The following PLXDC2 variants were observed in gnomAD, a reference collection of about 807,000 sequenced individuals.
PLXDC2 encodes plexin domain-containing protein 2.
PLXDC2 carries 40 observed loss-of-function variants against 68.9 expected under a neutral mutation model. The ratio of observed to expected loss-of-function variants is 0.58; its 90% CI spans 0.45 to 0.76. The LOEUF (loss-of-function observed/expected upper bound fraction) is 0.76, where lower values mean the gene tolerates loss of function less well. PLXDC2 is among the 30% of genes least tolerant of loss of function. PLXDC2 has a pLI of 0.00. For synonymous variants in PLXDC2, 243 were observed against 234.2 expected (o/e 1.04, Z -0.34); for missense variants, 644 against 661.9 (o/e 0.97, Z 0.30).
At chr10:20,245,729 A>G (rs1239323676) in intron 13 of PLXDC2, among the ~76,000 whole-genome samples, 5 of 152,230 alleles carry the variant, frequency 3.3e-5, no homozygotes, top group Admixed American at 6.5e-5. Flanking sequence ...TTTTAAAGAC[A>G]TAAACTATCT....
intron 1 of PLXDC2, among the ~76,000 whole-genome samples, chr10:19,979,763 G>A (rs1336380784): frequency 6.6e-6 from 1 of 152,112 alleles, no homozygotes; most frequent in Admixed American, 6.5e-5. Flanking sequence ...TGACCAGTTT[G>A]CCTTACTATG....
chr10:20,221,731 T>A (rs1835214647), intron 12 of PLXDC2, among the ~76,000 whole-genome samples: 1 of 152,194 alleles, frequency 6.6e-6, no homozygotes. Context: ...AGAATTGTCC[T>A]TTCACTCCAA....
intron 1 of PLXDC2, among the ~76,000 whole-genome samples, chr10:19,962,921 C>T (rs1269669352): frequency 1.4e-5 from 2 of 140,624 alleles, no homozygotes; most frequent in Non-Finnish European, 3.0e-5. Context: ...ACCTGGGAGG[C>T]AGAGCTTGCA....
chr10:19,819,544 A>G (rs1018760321), intron 1 of PLXDC2, among the ~76,000 whole-genome samples: 1 of 152,232 alleles, frequency 6.6e-6, no homozygotes, highest in African/African-American at 2.4e-5. Flanking sequence ...TATTACAGAC[A>G]TGTTGGCACA....
At chr10:20,238,690 T>TAC (rs1835471628) in intron 12 of PLXDC2, among the ~76,000 whole-genome samples, 2 of 130,354 alleles carry the variant, frequency 1.5e-5, no homozygotes. Context: ...TATATATATA[T>TAC]ATACACACAT....
intron 1 of PLXDC2, among the ~76,000 whole-genome samples, chr10:19,942,957 T>C (rs1216016592): frequency 1.3e-5 from 2 of 152,334 alleles, no homozygotes; most frequent in Non-Finnish European, 2.9e-5. Context: ...AGATGTATAT[T>C]ATGAATAATT....
intron 4 of PLXDC2, among the ~76,000 whole-genome samples, chr10:20,106,843 TATATACC>T (rs773844486): frequency 6.6e-6 from 1 of 152,004 alleles, no homozygotes; most frequent in African/African-American, 2.4e-5. Context: ...TGCTTTTTAC[TATATACC>T]ATATACCATA....
At chr10:20,134,591 A>G (rs1833909524) in intron 4 of PLXDC2, among the ~76,000 whole-genome samples, 1 of 152,154 alleles carries the variant, frequency 6.6e-6, no homozygotes, top group African/African-American at 2.4e-5. Flanking sequence ...TCTGCATGAC[A>G]GGCATGGATC....
At chr10:20,030,165 C>A (rs559039641) in intron 2 of PLXDC2, among the ~76,000 whole-genome samples, 2 of 151,402 alleles carry the variant, frequency 1.3e-5, no homozygotes, top group African/African-American at 4.8e-5. Context: ...TATAGTTACA[C>A]GTAGCCAGAC....
chr10:20,038,442 TA>T (rs974996327), intron 2 of PLXDC2, among the ~76,000 whole-genome samples: 2 of 152,076 alleles, frequency 1.3e-5, no homozygotes, highest in African/African-American at 4.8e-5. Context: ...TAATCTGATA[TA>T]ACCAACAGGA....
intron 1 of PLXDC2, among the ~76,000 whole-genome samples, chr10:19,943,162 G>T (rs1383782422): frequency 2.0e-5 from 3 of 152,152 alleles, no homozygotes; most frequent in Admixed American, 2.0e-4. Context: ...GGAGGATTCT[G>T]GAGCTGAAGT....
intron 4 of PLXDC2, among the ~76,000 whole-genome samples, chr10:20,131,226 C>A (rs986710191): frequency 6.9e-6 from 1 of 144,228 alleles, no homozygotes; most frequent in Non-Finnish European, 1.5e-5. Context: ...TCCATATTTT[C>A]TATTCTATTT....
intron 9 of PLXDC2, among the ~76,000 whole-genome samples, chr10:20,180,087 C>T (rs1171121098): frequency 2.0e-5 from 3 of 151,832 alleles, no homozygotes; most frequent in African/African-American, 4.8e-5. Context: ...TTGAAACTGG[C>T]GTAAGAAGAA....
chr10:19,918,049 T>C (rs1412948676), intron 1 of PLXDC2, among the ~76,000 whole-genome samples: 1 of 152,172 alleles, frequency 6.6e-6, no homozygotes, highest in African/African-American at 2.4e-5. Context: ...CATTCAGCAG[T>C]TTTGGACTGA....
chr10:19,946,151 T>C (rs535973564), intron 1 of PLXDC2, among the ~76,000 whole-genome samples: 41 of 152,322 alleles, frequency 2.7e-4, no homozygotes, highest in Non-Finnish European at 4.3e-4. Flanking sequence ...AATCTGCTGA[T>C]TCCTCATGGA....
chr10:19,994,884 A>G (rs1564650842), intron 1 of PLXDC2, among the ~76,000 whole-genome samples: 1 of 151,980 alleles, frequency 6.6e-6, no homozygotes, highest in Non-Finnish European at 1.5e-5. Context: ...CTGGGATTAC[A>G]GGTGTGCACC....
At chr10:19,964,605 A>G (rs1051613321) in intron 1 of PLXDC2, among the ~76,000 whole-genome samples, 3 of 152,220 alleles carry the variant, frequency 2.0e-5, no homozygotes, top group African/African-American at 7.2e-5. Context: ...TGGGTTGCTT[A>G]TGCAGTTTCT....
chr10:20,182,071 T>TTGTGTGTG (rs111252782), intron 9 of PLXDC2, among the ~76,000 whole-genome samples: 3,112 of 146,526 alleles, frequency 0.021, 101 homozygotes, highest in African/African-American at 0.07. Flanking sequence ...AACCGGTTAT[T>TTGTGTGTG]TGTGTGTGTG....
chr10:19,904,388 G>A (rs1211894657), intron 1 of PLXDC2, among the ~76,000 whole-genome samples: 1 of 151,848 alleles, frequency 6.6e-6, no homozygotes, highest in East Asian at 1.9e-4. Flanking sequence ...AGGTCACCAG[G>A]GAAGTGAGGG....
Sources: gnomAD v4.1 joint callset for allele counts (sites outside exome capture counted in the v4.1 genomes callset) on GRCh38, gnomAD v4.1.1 for gene constraint, MANE v1.5 for transcripts, NCBI Gene and HGNC (gene_info 2026-07-23, HGNC 2026-07-21) for gene names.